TSPAN11: variants seen among roughly 807,000 people sequenced by gnomAD.
TSPAN11 encodes the protein tetraspanin 11, also known as tetraspanin-11.
In TSPAN11, 29 loss-of-function variants were observed where a neutral mutation model predicts 32.9. The ratio of observed to expected loss-of-function variants is 0.88; its 90% CI spans 0.66 to 1.20. The LOEUF is 1.20. TSPAN11 is among the 50% of genes most tolerant of loss of function. TSPAN11 has a pLI of 0.00. For missense variants in TSPAN11, 283 were observed against 329.1 expected, an observed-to-expected ratio of 0.86 and a Z score of 1.08; for synonymous variants, 140 against 141.3, an observed-to-expected ratio of 0.99 and a Z score of 0.07.
intron 5 of TSPAN11, among the ~76,000 whole-genome samples, chr12:30,981,413 A>G (rs1197484820): frequency 6.6e-6 from 1 of 152,192 alleles, no homozygotes; most frequent in African/African-American, 2.4e-5. Context: ...CACCTCTTTC[A>G]GTCCTTACAA....
chr12:30,959,756 C>T (rs1346253667), intron 2 of TSPAN11, among the ~76,000 whole-genome samples: 2 of 140,880 alleles, frequency 1.4e-5, no homozygotes, highest in Non-Finnish European at 3.0e-5. Context: ...CTCCAGGCTG[C>T]GCGACCGAGT....
intron 3 of TSPAN11, among the ~76,000 whole-genome samples, chr12:30,966,005 T>C (rs1320855237): frequency 2.5e-5 from 2 of 79,820 alleles, no homozygotes; most frequent in Non-Finnish European, 7.6e-5. Flanking sequence ...CAAAACATTA[T>C]GAGATTTTTT....
intron 1 of TSPAN11, among the ~76,000 whole-genome samples, chr12:30,950,751 C>T (rs1938365893): frequency 6.6e-6 from 1 of 152,188 alleles, no homozygotes; most frequent in Non-Finnish European, 1.5e-5. Flanking sequence ...TGGTTTCCAG[C>T]TCATGGCCCA....
intron 1 of TSPAN11, among the ~76,000 whole-genome samples, chr12:30,951,067 T>C (rs942184959): frequency 6.6e-6 from 1 of 152,208 alleles, no homozygotes; most frequent in Admixed American, 6.5e-5. Context: ...CAATAGAACA[T>C]GTCAGTAAGG....
At chr12:31,012,623 CT>C in the TSPAN11 span, 1 of 152,222 alleles carries the variant, frequency 6.6e-6, no homozygotes, top group Non-Finnish European at 1.5e-5. Context: ...ATATCCTTGG[CT>C]TCTCAGACCT....
chr12:30,967,321 T>A (rs942758754), intron 3 of TSPAN11, among the ~76,000 whole-genome samples: 6 of 152,210 alleles, frequency 3.9e-5, no homozygotes, highest in African/African-American at 9.6e-5. Flanking sequence ...GCCCAGAGCA[T>A]GTGGGAGAGA....
intron 1 of TSPAN11, among the ~76,000 whole-genome samples, chr12:30,935,572 C>T (rs374978519): frequency 9.9e-5 from 15 of 152,040 alleles, no homozygotes; most frequent in African/African-American, 2.9e-4. Context: ...TTAGTAGAGA[C>T]GGGGTTTCAC....
In TSPAN11 at chr12:30,963,559, G is replaced by A. The variant is rs1938657771; in HGVS notation, c.85-267G>A. Among the ~76,000 whole-genome samples the A allele has an allele frequency of 3.3e-5, 5 of 152,308 alleles. No homozygotes were observed. In the South Asian group the frequency reaches 1.0e-3, roughly 32 times the overall value. On this transcript the variant is annotated intron_variant, in intron 2 of 7. Coordinates refer to ENST00000546076, the MANE Select transcript of TSPAN11 (RefSeq NM_001370302.1). ...CTCTCCCCTGGCCTCATACGCAATA[G>A]GCCACCAGGGTAAAAAGCACCGAAT...
intron 3 of TSPAN11, among the ~76,000 whole-genome samples, chr12:30,972,318 T>G (rs1938868096): frequency 6.6e-6 from 1 of 152,062 alleles, no homozygotes; most frequent in African/African-American, 2.4e-5. Flanking sequence ...GGGATCAGCG[T>G]GTACACAGTC....
chr12:30,978,658 G>C (rs769002569), intron 4 of TSPAN11, 23 bp downstream of exon 4: 8 of 1,611,364 alleles, frequency 5.0e-6, no homozygotes, highest in Admixed American at 1.7e-5. Flanking sequence ...TCCTCCTCCT[G>C]CATCCTCTGT....
At chr12:30,932,524 G>A (rs1026468221) in intron 1 of TSPAN11, among the ~76,000 whole-genome samples, 1 of 152,126 alleles carries the variant, frequency 6.6e-6, no homozygotes, top group Non-Finnish European at 1.5e-5. Flanking sequence ...GGCTCACTAG[G>A]TCTCTGCGAC....
chr12:30,930,771 G>T (rs536937546), intron 1 of TSPAN11, among the ~76,000 whole-genome samples: 1 of 152,230 alleles, frequency 6.6e-6, no homozygotes, highest in Non-Finnish European at 1.5e-5. Flanking sequence ...CCCTGTAGTA[G>T]TCAGGGGGTC....
chr12:30,987,524 T>C (rs904942939), intron 7 of TSPAN11, among the ~76,000 whole-genome samples: 7 of 152,016 alleles, frequency 4.6e-5, no homozygotes, highest in Non-Finnish European at 1.0e-4. Context: ...GGAGAAACGC[T>C]TGAACCCAGG....
At chr12:30,967,412 C>T (rs138188909) in intron 3 of TSPAN11, among the ~76,000 whole-genome samples, 236 of 152,344 alleles carry the variant, frequency 1.5e-3, no homozygotes, top group Middle Eastern at 0.01. Context: ...TTCTGCACTT[C>T]GGGGAGTCAA....
the TSPAN11 span, among the ~76,000 whole-genome samples, chr12:31,007,891 A>G: frequency 6.6e-6 from 1 of 152,074 alleles, no homozygotes. Flanking sequence ...CAGCTCCTTC[A>G]TTCTCACAGC....
chr12:30,935,086 C>T (rs1327739795), intron 1 of TSPAN11, among the ~76,000 whole-genome samples: 1 of 152,170 alleles, frequency 6.6e-6, no homozygotes, highest in Non-Finnish European at 1.5e-5. Context: ...GATCCAAGAA[C>T]ACACACTCTC....
At chr12:30,971,907 T>C (rs1048545788) in intron 3 of TSPAN11, among the ~76,000 whole-genome samples, 1 of 152,188 alleles carries the variant, frequency 6.6e-6, no homozygotes, top group Non-Finnish European at 1.5e-5. Context: ...TTTGGATCTA[T>C]AGTTTTAGAA....
chr12:30,992,027 C>G lies in TSPAN11; in HGVS notation c.*112C>G. 1 of 1,221,016 alleles carries G rather than the reference C, an allele frequency of 8.2e-7. No individual in the cohort carries two copies. The highest frequency in any genetic ancestry group is 1.2e-5 in the South Asian group (1 of 81,366). 75.6% of individuals were successfully genotyped at this position (1,221,016 alleles called of 1,614,324 possible). On this transcript the variant is annotated 3_prime_UTR_variant, in exon 8 of 8. Coordinates refer to ENST00000546076, the MANE Select transcript of TSPAN11 (RefSeq NM_001370302.1). ...CCACTAGGGCCATAGATGCCCCCTC[C>G]TTTGTGCCTAGCTCCTGCGAATCCA...
At chr12:30,929,455 A>G (rs1352261728) in intron 1 of TSPAN11, among the ~76,000 whole-genome samples, 1 of 152,208 alleles carries the variant, frequency 6.6e-6, no homozygotes, top group Non-Finnish European at 1.5e-5. Context: ...GGGCTATGTG[A>G]GAACTCGAAC....
Sources: gnomAD v4.1 joint callset for allele counts (sites outside exome capture counted in the v4.1 genomes callset) on GRCh38, gnomAD v4.1.1 for gene constraint, MANE v1.5 for transcripts, NCBI Gene and HGNC (gene_info 2026-07-23, HGNC 2026-07-21) for gene names.